The following NPAS3 variants were observed in gnomAD, a reference collection of about 807,000 sequenced individuals.
NPAS3 encodes neuronal PAS domain protein 3.
In NPAS3, 14 loss-of-function variants were observed where a neutral mutation model predicts 73.1. The ratio of observed to expected loss-of-function variants is 0.19; its 90% CI spans 0.13 to 0.30. NPAS3 has a LOEUF of 0.30. NPAS3 is among the 10% of genes least tolerant of loss of function. The pLI is 1.00. For missense variants in NPAS3, 1,096 were observed against 1,250.0 expected (o/e 0.88, Z 1.86); for synonymous variants, 620 against 541.5 (o/e 1.14, Z -2.01).
intron 2 of NPAS3, among the ~76,000 whole-genome samples, chr14:33,169,678 T>C (rs997193309): frequency 2.5e-4 from 38 of 152,298 alleles, no homozygotes; most frequent in African/African-American, 9.1e-4. Flanking sequence ...ATCACAGAAA[T>C]TTAAAATTGA....
intron 3 of NPAS3, among the ~76,000 whole-genome samples, chr14:33,304,368 A>C (rs2042674217): frequency 6.6e-6 from 1 of 152,162 alleles, no homozygotes; most frequent in Non-Finnish European, 1.5e-5. Context: ...TTGTTTTACA[A>C]AGTCAGCTTA....
chr14:33,122,791 C>G (rs75160850), intron 2 of NPAS3, among the ~76,000 whole-genome samples: 4,066 of 152,084 alleles, frequency 0.027, 46 homozygotes, highest in Non-Finnish European at 0.031. Context: ...GCAGGAGAAA[C>G]AGAGACTGAG....
chr14:32,983,001 A>G lies in NPAS3; in HGVS notation c.50+43635A>G, dbSNP rs534844848. ...GTTTATAGCATGGCATGCAATTATA[A>G]GTTATCTTAAGTGAAGATGAAAGGA... On this transcript the variant is annotated intron_variant, in intron 1 of 11. Coordinates refer to ENST00000356141, the Ensembl canonical transcript of NPAS3. Among the ~76,000 whole-genome samples the G allele has an allele frequency of 5.3e-5, 8 of 152,314 alleles. No individual in the cohort carries two copies. In the East Asian group the frequency reaches 1.5e-3, roughly 29 times the overall value.
At chr14:33,304,893 C>G (rs2042697660) in intron 3 of NPAS3, among the ~76,000 whole-genome samples, 1 of 152,094 alleles carries the variant, frequency 6.6e-6, no homozygotes, top group Admixed American at 6.5e-5. Flanking sequence ...ATATGGAATC[C>G]TCACTGTCGC....
At chr14:33,784,741 A>ATTTTTTTTTTTTTTTTTT (rs1325282410) in intron 9 of NPAS3, among the ~76,000 whole-genome samples, 8 of 72,760 alleles carry the variant, frequency 1.1e-4, no homozygotes, top group South Asian at 9.5e-4. Context: ...TTATTTATTT[A>ATTTTTTTTTTTTTTTTTT]TTTATTTTTT....
chr14:33,141,669 C>T (rs888845395), intron 2 of NPAS3, among the ~76,000 whole-genome samples: 3 of 152,010 alleles, frequency 2.0e-5, no homozygotes, highest in Non-Finnish European at 4.4e-5. Context: ...TACTATAATC[C>T]TCTATGATTA....
At chr14:33,053,890 A>T (rs529525142) in intron 1 of NPAS3, among the ~76,000 whole-genome samples, 1 of 152,322 alleles carries the variant, frequency 6.6e-6, no homozygotes, top group South Asian at 2.1e-4. Flanking sequence ...AACTGCTTCA[A>T]ATTGTTCATA....
At chr14:33,747,547 C>T (rs78017298) in intron 7 of NPAS3, among the ~76,000 whole-genome samples, 9,312 of 152,178 alleles carry the variant, frequency 0.061, 917 homozygotes, top group African/African-American at 0.21. Context: ...AAGACTCTTA[C>T]AAACAAAAGA....
At chr14:32,946,097 CTG>C (rs1163079899) in intron 1 of NPAS3, among the ~76,000 whole-genome samples, 3 of 152,172 alleles carry the variant, frequency 2.0e-5, no homozygotes, top group Non-Finnish European at 4.4e-5. Context: ...TAGTACCTAA[CTG>C]TATTTCTGGA....
At chr14:33,636,319 G>C (rs8004607) in intron 5 of NPAS3, among the ~76,000 whole-genome samples, 29,329 of 152,214 alleles carry the variant, frequency 0.19, 4,259 homozygotes, top group African/African-American at 0.41. Context: ...TTATGAAAAA[G>C]TGTTTGCCCA....
intron 4 of NPAS3, among the ~76,000 whole-genome samples, chr14:33,492,705 T>G (rs2139828169): frequency 6.6e-6 from 1 of 152,314 alleles, no homozygotes. Flanking sequence ...CAGCGATGTG[T>G]TATTGATGAG....
intron 3 of NPAS3, among the ~76,000 whole-genome samples, chr14:33,272,989 G>T (rs978575687): frequency 1.3e-5 from 2 of 152,084 alleles, no homozygotes; most frequent in African/African-American, 4.8e-5. Flanking sequence ...CCACTTTCTC[G>T]CCAATTAAAT....
chr14:33,457,427 T>G (rs1308435366), intron 4 of NPAS3, among the ~76,000 whole-genome samples: 1 of 152,192 alleles, frequency 6.6e-6, no homozygotes, highest in Non-Finnish European at 1.5e-5. Context: ...TTTTTCACCT[T>G]CTAAGTCAAC....
At chr14:33,580,043 T>C (rs1227151371) in intron 5 of NPAS3, among the ~76,000 whole-genome samples, 3 of 152,252 alleles carry the variant, frequency 2.0e-5, no homozygotes, top group Non-Finnish European at 4.4e-5. Flanking sequence ...TTGTTACTCA[T>C]ACAATACTAA....
chr14:33,043,732 A>G (rs1416800807), intron 1 of NPAS3, among the ~76,000 whole-genome samples: 3 of 152,144 alleles, frequency 2.0e-5, no homozygotes, highest in Non-Finnish European at 4.4e-5. Flanking sequence ...TTAAATATGA[A>G]CTAATTTTAA....
intron 4 of NPAS3, among the ~76,000 whole-genome samples, chr14:33,503,482 G>T (rs900851875): frequency 6.6e-6 from 1 of 151,856 alleles, no homozygotes; most frequent in South Asian, 2.1e-4. Flanking sequence ...TGGTGAAACC[G>T]AGTGATACCT....
chr14:33,566,224 T>C (rs1226443293), intron 5 of NPAS3, among the ~76,000 whole-genome samples: 5 of 134,134 alleles, frequency 3.7e-5, no homozygotes, highest in South Asian at 2.8e-4. Context: ...GAAATTGATT[T>C]TTCCCCCCCG....
intron 3 of NPAS3, among the ~76,000 whole-genome samples, chr14:33,326,749 G>A (rs1387530519): frequency 6.6e-6 from 1 of 152,174 alleles, no homozygotes; most frequent in Non-Finnish European, 1.5e-5. Context: ...ATGATCTCTT[G>A]CACCACCACA....
At chr14:33,689,362 C>T (rs919287454) in intron 6 of NPAS3, among the ~76,000 whole-genome samples, 7 of 152,144 alleles carry the variant, frequency 4.6e-5, no homozygotes, top group Admixed American at 2.0e-4. Flanking sequence ...AACAGTAGTA[C>T]GGCACAGAGT....
Sources: allele counts gnomAD v4.1 joint callset (sites outside exome capture counted in the v4.1 genomes callset), GRCh38; gene constraint gnomAD v4.1.1; transcripts MANE v1.5; gene names NCBI Gene and HGNC (gene_info 2026-07-23, HGNC 2026-07-21).